The following RAB3IP variants were observed in gnomAD, a reference collection of about 807,000 sequenced individuals.
The protein encoded by RAB3IP is rab-3A-interacting protein.
RAB3IP carries 36 observed loss-of-function variants against 59.1 expected under a neutral mutation model. The observed-to-expected ratio is 0.61, with a 90% CI of 0.47 to 0.80. The LOEUF is 0.80. Ranked by LOEUF, RAB3IP falls within the 30% of genes least tolerant of loss-of-function variation. The pLI is 0.00. For missense variants in RAB3IP, 511 were observed against 536.0 expected, an observed-to-expected ratio of 0.95 and a Z score of 0.46; for synonymous variants, 207 against 191.2, an observed-to-expected ratio of 1.08 and a Z score of -0.68.
chr12:69,786,553 C>T (rs559793230), intron 4 of RAB3IP, among the ~76,000 whole-genome samples: 1 of 152,148 alleles, frequency 6.6e-6, no homozygotes, highest in South Asian at 2.1e-4. Flanking sequence ...ATTTTTCTTC[C>T]AGTATTGTCT....
At chr12:69,746,602 T>C (rs1034445890) in intron 1 of RAB3IP, among the ~76,000 whole-genome samples, 2 of 152,158 alleles carry the variant, frequency 1.3e-5, no homozygotes, top group African/African-American at 4.8e-5. Context: ...TGCCCGGAGG[T>C]GTTGAAGCTG....
intron 3 of RAB3IP, among the ~76,000 whole-genome samples, chr12:69,758,755 C>CTTTTTT (rs1870640848): frequency 2.2e-5 from 1 of 46,036 alleles, no homozygotes; most frequent in Non-Finnish European, 4.3e-5. Flanking sequence ...TGTGTTCATT[C>CTTTTTT]CTTTTTTTTT....
rs1886940897 is a variant in RAB3IP at position 69,738,869 on chromosome 12, G to C, written c.-188G>C. ...CGGCCCCGCTTCCGGCGCAGGCGCA[G>C]TCCCGCGTTCCCTCGGCGGCTGCCG... On this transcript the variant is annotated 5_prime_UTR_variant, in exon 1 of 11. Coordinates refer to ENST00000247833, the MANE Select transcript of RAB3IP (RefSeq NM_022456.5). 6.6e-6 allele frequency: 1 copy of C among 152,156 alleles called. No individual in the cohort carries two copies. The highest frequency in any genetic ancestry group is 6.5e-5 in the Admixed American group (1 of 15,268). 9.4% of individuals were successfully genotyped at this position (152,156 alleles called of 1,614,324 possible). A position where few individuals can be genotyped will look rare whatever the true frequency, so the allele number is the denominator to read the frequency against.
chr12:69,813,237 T>C (rs531161154), intron 10 of RAB3IP, among the ~76,000 whole-genome samples: 2 of 152,296 alleles, frequency 1.3e-5, no homozygotes, highest in Admixed American at 1.3e-4. Flanking sequence ...TGTGTTTAAT[T>C]ATTTTATTTG....
rs34446445 is a variant in RAB3IP at position 69,779,684 on chromosome 12, ATT to A, written c.511-5022_511-5021del. 6.1e-3 allele frequency among the ~76,000 whole-genome samples: 873 copies of A among 143,678 alleles called. 5 individuals are homozygous for A. Among genetic ancestry groups the A allele is most frequent in the African/African-American group, 0.017 (651 of 39,384 alleles). 94.3% of individuals were successfully genotyped at this position (143,678 alleles called of 152,430 possible). A position where few individuals can be genotyped will look rare whatever the true frequency, so the allele number is the denominator to read the frequency against. ...TTTCACTGCACATTCTAGCTAGGGA[ATT>A]TTTTTTTTTTTTTCCAGCGTCTCTC... On this transcript the variant is annotated intron_variant, in intron 3 of 10. Coordinates refer to ENST00000247833, the MANE Select transcript of RAB3IP (RefSeq NM_022456.5).
intron 3 of RAB3IP, among the ~76,000 whole-genome samples, chr12:69,757,533 A>G (rs945902749): frequency 6.6e-6 from 1 of 152,220 alleles, no homozygotes; most frequent in Admixed American, 6.5e-5. Context: ...TAATGGAATG[A>G]TATGAAAAAC....
intron 8 of RAB3IP, among the ~76,000 whole-genome samples, chr12:69,804,345 TG>T (rs1878893935): frequency 6.6e-6 from 1 of 152,238 alleles, no homozygotes; most frequent in Admixed American, 6.5e-5. Context: ...TTGATGGGGT[TG>T]TTTTTTTCTT....
At chr12:69,772,660 AAAAG>A (rs1345140779) in intron 3 of RAB3IP, among the ~76,000 whole-genome samples, 4 of 152,208 alleles carry the variant, frequency 2.6e-5, no homozygotes, top group Non-Finnish European at 4.4e-5. Flanking sequence ...GATCTCAAAG[AAAAG>A]AAAGAAAACG....
intron 1 of RAB3IP, among the ~76,000 whole-genome samples, chr12:69,753,326 A>G (rs1253433705): frequency 6.6e-6 from 1 of 152,146 alleles, no homozygotes; most frequent in African/African-American, 2.4e-5. Context: ...TATCTTATGG[A>G]AGAAATGATG....
intron 3 of RAB3IP, among the ~76,000 whole-genome samples, chr12:69,767,585 C>A (rs1872429461): frequency 6.6e-6 from 1 of 152,234 alleles, no homozygotes; most frequent in African/African-American, 2.4e-5. Context: ...GCCCTAAGTT[C>A]TCTGCATGGG....
At chr12:69,758,290 G>A (rs181331164) in intron 3 of RAB3IP, among the ~76,000 whole-genome samples, 1 of 152,150 alleles carries the variant, frequency 6.6e-6, no homozygotes, top group Non-Finnish European at 1.5e-5. Flanking sequence ...TCTTTTAATT[G>A]GTGTTTAGAC....
At chr12:69,756,000 T>G (rs990035230) in intron 2 of RAB3IP, among the ~76,000 whole-genome samples, 3 of 152,262 alleles carry the variant, frequency 2.0e-5, no homozygotes, top group Non-Finnish European at 2.9e-5. Flanking sequence ...TGAATTTCAT[T>G]TAATTTTCAT....
At chr12:69,770,607 A>G (rs1334762650) in intron 3 of RAB3IP, among the ~76,000 whole-genome samples, 2 of 152,310 alleles carry the variant, frequency 1.3e-5, no homozygotes, top group Non-Finnish European at 2.9e-5. Context: ...CTCTGAATCC[A>G]TATCTCTTGC....
At chr12:69,743,230 ATATT>A (rs1887519843) in intron 1 of RAB3IP, among the ~76,000 whole-genome samples, 1 of 152,232 alleles carries the variant, frequency 6.6e-6, no homozygotes, top group South Asian at 2.1e-4. Flanking sequence ...ATAGTATTGA[ATATT>A]TGTTTGGGAG....
intron 8 of RAB3IP, among the ~76,000 whole-genome samples, chr12:69,807,393 G>GTGC: frequency 6.9e-6 from 1 of 145,258 alleles, no homozygotes; most frequent in East Asian, 2.2e-4. Context: ...CGGGGCGGCC[G>GTGC]GGAAGAGGCG....
Position 69,822,858 on chromosome 12 carries a change from ATC to A in RAB3IP, c.*7415_*7416del, listed in dbSNP as rs1881906627. Reference sequence around the variant, plus strand: ...CCATCTTTCTTCAGCCTATTTTCCTATCTCCTCTCGCACCATACTAGGCACAC... The same window carrying A: ...CCATCTTTCTTCAGCCTATTTTCCTATCCTCTCGCACCATACTAGGCACAC... On this transcript the variant is annotated 3_prime_UTR_variant, in exon 11 of 11. Transcript: ENST00000247833. 1 of 152,134 alleles carries A rather than the reference ATC, an allele frequency of 6.6e-6. No homozygotes were observed. The highest frequency in any genetic ancestry group is 1.5e-5 in the Non-Finnish European group (1 of 68,018). The allele number at this position is 152,134 out of a possible 1,614,324, so 9.4% of individuals were successfully genotyped here.
chr12:69,742,517 A>G (rs541138966), intron 1 of RAB3IP, among the ~76,000 whole-genome samples: 2 of 152,220 alleles, frequency 1.3e-5, no homozygotes, highest in Non-Finnish European at 2.9e-5. Flanking sequence ...GGGCCCTAGA[A>G]ACATGTTTAT....
chr12:69,744,365 A>G (rs1887641037), intron 1 of RAB3IP, among the ~76,000 whole-genome samples: 1 of 152,110 alleles, frequency 6.6e-6, no homozygotes, highest in Non-Finnish European at 1.5e-5. Context: ...ACATTTTCTG[A>G]AAACTGTCAA....
intron 1 of RAB3IP, among the ~76,000 whole-genome samples, chr12:69,751,345 T>C (rs1046287724): frequency 6.6e-6 from 1 of 152,220 alleles, no homozygotes; most frequent in African/African-American, 2.4e-5. Flanking sequence ...CGTACATTTC[T>C]GTCCCAGGCT....
Sources: gnomAD v4.1 joint callset for allele counts (sites outside exome capture counted in the v4.1 genomes callset) on GRCh38, gnomAD v4.1.1 for gene constraint, MANE v1.5 for transcripts, NCBI Gene and HGNC (gene_info 2026-07-23, HGNC 2026-07-21) for gene names.